IFT56: variants seen among roughly 807,000 people sequenced by gnomAD.
The protein encoded by IFT56 is intraflagellar transport 56.
At chr7:139,176,200 G>A in the IFT56 span, among the ~76,000 whole-genome samples, 1 of 151,898 alleles carries the variant, frequency 6.6e-6, no homozygotes, top group Non-Finnish European at 1.5e-5. Flanking sequence ...AACTAGAAGA[G>A]TATAATTGGA....
chr7:139,148,074 TC>T, the IFT56 span: 1 of 725,984 alleles, frequency 1.4e-6, no homozygotes, highest in Non-Finnish European at 2.2e-6. Flanking sequence ...ATTATACTGA[TC>T]ATATCTTGCC....
chr7:139,177,144 C>G, the IFT56 span, among the ~76,000 whole-genome samples: 13 of 149,616 alleles, frequency 8.7e-5, no homozygotes, highest in Non-Finnish European at 1.9e-4. Flanking sequence ...TGCACTTCAC[C>G]CTGGGCAACA....
chr7:139,134,191 A>C, the IFT56 span, among the ~76,000 whole-genome samples: 2 of 152,028 alleles, frequency 1.3e-5, no homozygotes, highest in Non-Finnish European at 2.9e-5. Flanking sequence ...GTATTGGCTG[A>C]TGGCTCTTCT....
chr7:139,160,359 A>G, the IFT56 span, among the ~76,000 whole-genome samples: 2 of 152,180 alleles, frequency 1.3e-5, no homozygotes, highest in Non-Finnish European at 2.9e-5. Context: ...AGAAAAAACT[A>G]ACTCTAGTAG....
the IFT56 span, among the ~76,000 whole-genome samples, chr7:139,134,072 T>C: frequency 6.6e-6 from 1 of 152,058 alleles, no homozygotes; most frequent in Non-Finnish European, 1.5e-5. Flanking sequence ...TTTAAACCAC[T>C]CGTGGGATGG....
At chr7:139,145,684 G>A in the IFT56 span, among the ~76,000 whole-genome samples, 1 of 151,782 alleles carries the variant, frequency 6.6e-6, no homozygotes, top group South Asian at 2.1e-4. Flanking sequence ...TCAAAGTGCT[G>A]GGATTATAGG....
the IFT56 span, chr7:139,190,469 T>A: frequency 6.6e-6 from 1 of 152,212 alleles, no homozygotes; most frequent in Non-Finnish European, 1.5e-5. Flanking sequence ...ATGCTCTCCA[T>A]CTCCTGACCT....
At chr7:139,139,514 A>C in the IFT56 span, among the ~76,000 whole-genome samples, 40 of 152,350 alleles carry the variant, frequency 2.6e-4, no homozygotes, top group Non-Finnish European at 5.1e-4. Flanking sequence ...TGAAACTTGG[A>C]GTGTATTAAA....
the IFT56 span, among the ~76,000 whole-genome samples, chr7:139,146,056 A>G: frequency 6.6e-6 from 1 of 152,178 alleles, no homozygotes; most frequent in African/African-American, 2.4e-5. Flanking sequence ...CCAAATTTGT[A>G]TCATAGTATA....
the IFT56 span, chr7:139,190,705 G>A: frequency 6.6e-6 from 1 of 152,204 alleles, no homozygotes; most frequent in Admixed American, 6.5e-5. Flanking sequence ...AGGCTTCTGA[G>A]CTCTTATAAC....
chr7:139,139,306 G>A, the IFT56 span, among the ~76,000 whole-genome samples: 1 of 152,092 alleles, frequency 6.6e-6, no homozygotes. Context: ...AGGCATAGGA[G>A]GATAGAAAGA....
the IFT56 span, chr7:139,168,316 C>T: frequency 6.6e-7 from 1 of 1,516,176 alleles, no homozygotes; most frequent in Non-Finnish European, 9.0e-7. Context: ...CCACATTCCT[C>T]TTAATCAGTG....
chr7:139,154,535 A>G, the IFT56 span, among the ~76,000 whole-genome samples: 1 of 152,086 alleles, frequency 6.6e-6, no homozygotes, highest in Non-Finnish European at 1.5e-5. Flanking sequence ...TAAAAGTCCA[A>G]CTTTATTCTT....
the IFT56 span, among the ~76,000 whole-genome samples, chr7:139,144,699 A>G: frequency 0.25 from 37,691 of 151,962 alleles, 8,444 homozygotes; most frequent in African/African-American, 0.57. Context: ...ACTAATCATC[A>G]TTCTTCAGCT....
At chr7:139,160,898 A>G in the IFT56 span, 1 of 1,408,034 alleles carries the variant, frequency 7.1e-7, no homozygotes, top group African/African-American at 1.4e-5. Flanking sequence ...TATGTGGTAT[A>G]AGAACTATAC....
the IFT56 span, chr7:139,133,823 G>A: frequency 7.6e-5 from 123 of 1,614,166 alleles, no homozygotes; most frequent in East Asian, 8.0e-4. Context: ...CGCGGCCTTC[G>A]CTGTGTGGTG....
At chr7:139,159,374 C>T in the IFT56 span, among the ~76,000 whole-genome samples, 1 of 151,992 alleles carries the variant, frequency 6.6e-6, no homozygotes, top group African/African-American at 2.4e-5. Context: ...GTTTTTTAGT[C>T]TTTTCAAAAA....
At chr7:139,147,197 C>G in the IFT56 span, 1 of 1,613,626 alleles carries the variant, frequency 6.2e-7, no homozygotes, top group Non-Finnish European at 8.5e-7. Context: ...CAGGATGTCA[C>G]AGAAGATCAA....
At chr7:139,137,287 C>T in the IFT56 span, among the ~76,000 whole-genome samples, 1 of 152,224 alleles carries the variant, frequency 6.6e-6, no homozygotes, top group African/African-American at 2.4e-5. Flanking sequence ...TCTGAACATC[C>T]TTAACTCTTG....
Sources: gnomAD v4.1 joint callset for allele counts (sites outside exome capture counted in the v4.1 genomes callset) on GRCh38, gnomAD v4.1.1 for gene constraint, MANE v1.5 for transcripts, NCBI Gene and HGNC (gene_info 2026-07-23, HGNC 2026-07-21) for gene names.